PLEC: variants seen among roughly 807,000 people sequenced by gnomAD.
PLEC encodes hemidesmosomal protein 1.
A neutral mutation model predicts 392.8 loss-of-function variants in PLEC; 216 were observed. The observed-to-expected ratio is 0.55, with a 90% CI of 0.49 to 0.62. The LOEUF is 0.62. Among genes scored for constraint, PLEC ranks in the 20% least tolerant of loss-of-function variants. The probability of loss-of-function intolerance (pLI) is 0.00; values close to 1 mark genes in which losing one functional copy is unlikely to be tolerated. For missense variants in PLEC, 6,863 were observed against 6,563.4 expected (o/e 1.05, Z -1.58); for synonymous variants, 3,621 against 2,980.6 (o/e 1.21, Z -7.00).
upstream of PLEC, among the ~76,000 whole-genome samples, chr8:143,952,645 A>C (rs1554737651): frequency 6.7e-6 from 1 of 148,506 alleles, no homozygotes; most frequent in Non-Finnish European, 1.5e-5. Flanking sequence ...CAGATCTCCA[A>C]GGGCCCCACC....
At position 143,915,953 on chromosome 8, in the gene PLEC, G is replaced by A. The variant is rs1349069384; in HGVS notation, c.*224C>T. 9 of 415,672 alleles carry A rather than the reference G, an allele frequency of 2.2e-5. No individual in the cohort carries two copies. The highest frequency in any genetic ancestry group is 3.4e-5 in the Non-Finnish European group (8 of 235,100). The allele number at this position is 415,672 out of a possible 1,614,324, so 25.7% of individuals were successfully genotyped here. ...GTGAGTGGCAGGTAGAAGGGAGTGAGGAGACCCGAGGGGGTGAGGCGGCCA... is the reference window on the plus strand; with the variant it reads ...GTGAGTGGCAGGTAGAAGGGAGTGAAGAGACCCGAGGGGGTGAGGCGGCCA... On this transcript the variant is annotated 3_prime_UTR_variant, in exon 32 of 32. Coordinates refer to ENST00000345136, the MANE Select transcript of PLEC (RefSeq NM_201384.3).
At position 143,922,825 on chromosome 8, in the gene PLEC, C is replaced by A; in HGVS notation, c.7104G>T (p.Leu2368=). 6.3e-7 allele frequency: 1 copy of A among 1,584,778 alleles called. No individual in the cohort carries two copies. ...CCAGCTGCCGCTGCCGCTCGGCCTC[C>A]AGCGTCCGCTGGAAGCCCTGCGTCT... The part of the protein sequence containing the change: ...AEETQGFQRT[L]EAERQRQLEM... Residue 2368 remains leucine, a synonymous_variant, in exon 31 of 32, where the codon CTG becomes CTT. Coordinates refer to ENST00000345136, the MANE Select transcript of PLEC (RefSeq NM_201384.3).
chr8:143,915,984 G>A lies in PLEC; in HGVS notation c.*193C>T, dbSNP rs562991988. ...CCGAGGGGGTGAGGCGGCCAGCAGG[G>A]CTGGGCCAGCCCTGTCCCCCAAGAT... On this transcript the variant is annotated 3_prime_UTR_variant, in exon 32 of 32. Coordinates refer to ENST00000345136, the MANE Select transcript of PLEC (RefSeq NM_201384.3). 89 of 476,722 alleles carry A rather than the reference G, an allele frequency of 1.9e-4. No individual in the cohort carries two copies. Among genetic ancestry groups the A allele is most frequent in the Non-Finnish European group, 2.5e-4 (68 of 273,564 alleles). 29.5% of individuals were successfully genotyped at this position (476,722 alleles called of 1,614,324 possible).
chr8:143,944,979 C>T (rs1356399852), intron 1 of PLEC, among the ~76,000 whole-genome samples: 5 of 149,698 alleles, frequency 3.3e-5, no homozygotes, highest in African/African-American at 1.3e-4. Context: ...TCCCCCAGCT[C>T]CCACAGGGGG....
chr8:143,926,149 C>T (rs576249941), intron 30 of PLEC, among the ~76,000 whole-genome samples: 15 of 152,300 alleles, frequency 9.8e-5, no homozygotes, highest in African/African-American at 2.6e-4. Context: ...CGGAGACAGA[C>T]GGACGGGGAG....
rs944936781 is a variant in PLEC, at chr8:143,929,032, C to T, written c.3260+71G>A. On this transcript the variant is annotated intron_variant, in intron 25 of 31. Coordinates refer to ENST00000345136, the MANE Select transcript of PLEC (RefSeq NM_201384.3). ...ACTCGTTCCCTCCTGCACCCTCCTGCAAGGTCACAGCCCTCACCCCAGCAC... is the reference window on the plus strand; with the variant it reads ...ACTCGTTCCCTCCTGCACCCTCCTGTAAGGTCACAGCCCTCACCCCAGCAC... 5.0e-6 allele frequency: 7 copies of T among 1,396,232 alleles called. No individual in the cohort carries two copies. In the African/African-American group the frequency reaches 1.0e-4, roughly 20 times the overall value. 86.5% of individuals were successfully genotyped at this position (1,396,232 alleles called of 1,614,324 possible).
upstream of PLEC, chr8:143,939,680 C>G: frequency 2.2e-6 from 3 of 1,385,570 alleles, no homozygotes; most frequent in South Asian, 4.7e-5. Flanking sequence ...CAGGCCGCCG[C>G]CAGGGAGGGG....
In PLEC at chr8:143,925,642, C is replaced by T. The variant is rs782696637; in HGVS notation, c.4287G>A (p.Ser1429=). 4.4e-5 allele frequency: 69 copies of T among 1,583,774 alleles called. No homozygotes were observed. Among genetic ancestry groups the T allele is most frequent in the Admixed American group, 1.4e-4 (8 of 58,350 alleles). The change falls in exon 31 of 32, where the codon TCG becomes TCA. Residue 1429 remains serine (S), a synonymous_variant. Coordinates refer to ENST00000345136, the MANE Select transcript of PLEC (RefSeq NM_201384.3). ...GGGCCTTGGCCTGGATCTCCGCCTC[C>T]GAGCTCTGCCGCAGCTGCTGCAGCT... ...QEELQQLRQS[S]EAEIQAKARQ...
At chr8:143,967,644 G>C (rs1833182017) in intron 1 of PLEC, among the ~76,000 whole-genome samples, 1 of 152,102 alleles carries the variant, frequency 6.6e-6, no homozygotes, top group South Asian at 2.1e-4. Context: ...GTAGTAGCCA[G>C]GCATGGCAGC....
chr8:143,922,065 G>C lies in PLEC; in HGVS notation c.7756C>G (p.Leu2586Val). The C allele has an allele frequency of 6.3e-7, 1 of 1,586,836 alleles. No homozygotes were observed. Among genetic ancestry groups the C allele is most frequent in the Middle Eastern group, 1.8e-4 (1 of 5,424 alleles). ...AGCCTCTGGTTCTCCTCAGCCAGCA[G>C]CTCCTCCTGCTGCCGCCGCTGCTGC... ...LEQQRRQQEE[L>V]LAEENQRLRE... Residue 2586 changes from leucine to valine, a missense_variant, in exon 32 of 32, where the codon CTG becomes GTG. Leu to Val is a conservative substitution (Grantham distance 32). Coordinates refer to ENST00000345136, the MANE Select transcript of PLEC (RefSeq NM_201384.3).
At position 143,917,154 on chromosome 8, in the gene PLEC, G is replaced by A. The variant is rs957462171; in HGVS notation, c.12667C>T (p.Arg4223Cys). 5.0e-6 allele frequency: 8 copies of A among 1,608,058 alleles called. No homozygotes were observed. Among genetic ancestry groups the A allele is most frequent in the East Asian group, 2.2e-5 (1 of 44,692 alleles). The change falls in exon 32 of 32, where the codon CGC becomes TGC. Residue 4223 changes from arginine to cysteine, a missense_variant. Transcript: ENST00000345136. Reference sequence around the variant, plus strand: ...TCGGTGATGGAGAGCGTGCCGGCGCGGTACTGGTCCAGTGCCGAGCGGTCG... The same window carrying A: ...TCGGTGATGGAGAGCGTGCCGGCGCAGTACTGGTCCAGTGCCGAGCGGTCG... ...LIDRSALDQY[R>C]AGTLSITEFA...
In PLEC at chr8:143,927,776, A is replaced by G; in HGVS notation, c.3400-10T>C. 2 of 1,599,294 alleles carry G rather than the reference A, an allele frequency of 1.3e-6. No homozygotes were observed. Among genetic ancestry groups the G allele is most frequent in the Non-Finnish European group, 1.7e-6 (2 of 1,173,686 alleles). On this transcript the variant is annotated splice_polypyrimidine_tract_variant and intron_variant, in intron 26 of 31. Transcript: ENST00000345136. ...CCTGGGCCCGCAGCTTCTGTTGGGG[A>G]CAGGAGGGACATGTGCGGCTTCAGC... is the stretch of plus-strand genomic sequence containing the variant.
In PLEC at chr8:143,917,314, C is replaced by T. The variant is rs782635827; in HGVS notation, c.12507G>A (p.Leu4169=). ...RKGLIDHQTY[L]ELSEQECEWE... is the part of the protein sequence containing the mutation. ...ACTCGCACTCCTGCTCGGACAGCTC[C>T]AGGTACGTCTGGTGGTCAATCAGGC... Residue 4169 remains leucine, a synonymous_variant, in exon 32 of 32, where the codon CTG becomes CTA. Coordinates refer to ENST00000345136, the MANE Select transcript of PLEC (RefSeq NM_201384.3). 6.2e-7 allele frequency: 1 copy of T among 1,609,662 alleles called. No homozygotes were observed. The highest frequency in any genetic ancestry group is 8.5e-7 in the Non-Finnish European group (1 of 1,179,394).
intron 1 of PLEC, among the ~76,000 whole-genome samples, chr8:143,960,387 C>T (rs978633303): frequency 6.6e-5 from 10 of 151,976 alleles, no homozygotes; most frequent in African/African-American, 1.5e-4. Flanking sequence ...GAGGTCAAGG[C>T]GGGCGGATCA....
rs782730493 is a variant in PLEC at position 143,936,982 on chromosome 8, G to A, written c.432C>T (p.Phe144=). ...GTCCTGGGGGCAGCCGTTCTACCTG[G>A]AAGTGCAGAATGATTGTCCAGATGA... is the stretch of plus-strand genomic sequence containing the variant. ...LGLIWTIILH[F]QISDIQVSGQ... The change falls in exon 5 of 32, where the codon TTC becomes TTT. Residue 144 remains phenylalanine, a synonymous_variant. Transcript: ENST00000345136. 1 of 1,610,616 alleles carries A rather than the reference G, an allele frequency of 6.2e-7. No homozygotes were observed.
intron 1 of PLEC, among the ~76,000 whole-genome samples, chr8:143,963,861 G>A (rs1832970902): frequency 6.9e-6 from 1 of 143,998 alleles, no homozygotes; most frequent in Non-Finnish European, 1.5e-5. Flanking sequence ...CACCCAGGCT[G>A]GAGTGCATTG....
chr8:143,935,733 C>T, intron 6 of PLEC, 115 bp downstream of exon 6: 1 of 1,172,872 alleles, frequency 8.5e-7, no homozygotes, highest in Non-Finnish European at 1.2e-6. Context: ...GGCCAGCTGG[C>T]ACTCATCCCT....
chr8:143,925,710 C>T lies in PLEC; in HGVS notation c.4219G>A (p.Ala1407Thr). The T allele has an allele frequency of 6.3e-7, 1 of 1,592,824 alleles. No homozygotes were observed. The highest frequency in any genetic ancestry group is 8.5e-7 in the Non-Finnish European group (1 of 1,176,788). ...MQEEVVRREE[A>T]AVDAQQQKRS... ...TTCTGCTGCTGCGCGTCCACCGCCG[C>T]CTCCTCCCGCCGCACCACCTCCTCC... Residue 1407 changes from alanine to threonine, a missense_variant, in exon 31 of 32, where the codon GCG becomes ACG. Physicochemically the swap from Ala to Thr is moderately conservative, Grantham distance 58. Coordinates refer to ENST00000345136, the MANE Select transcript of PLEC (RefSeq NM_201384.3).
At chr8:143,957,854 C>A (rs1159347975), upstream of PLEC, among the ~76,000 whole-genome samples, 2 of 140,784 alleles carry the variant, frequency 1.4e-5, no homozygotes, top group African/African-American at 5.1e-5. Context: ...TGCTGGGGCT[C>A]TCTGGTGGTG....
Sources: allele counts gnomAD v4.1 joint callset (sites outside exome capture counted in the v4.1 genomes callset), GRCh38; gene constraint gnomAD v4.1.1; transcripts MANE v1.5; gene names NCBI Gene and HGNC (gene_info 2026-07-23, HGNC 2026-07-21).